Variants in MLIP observed in about 807,000 individuals in gnomAD.
MLIP encodes muscular LMNA interacting protein, also known as muscular LMNA-interacting protein.
MLIP carries 79 observed loss-of-function variants against 84.8 expected under a neutral mutation model. That is an observed-to-expected ratio of 0.93 (90% CI 0.78 to 1.12). MLIP has a LOEUF of 1.12. Among genes scored for constraint, MLIP ranks in the 50% most tolerant of loss-of-function variants. MLIP has a pLI of 0.00. For synonymous variants in MLIP, 504 were observed against 463.0 expected, an observed-to-expected ratio of 1.09 and a Z score of -1.14; for missense variants, 1,257 against 1,160.6, an observed-to-expected ratio of 1.08 and a Z score of -1.21.
At chr6:54,129,145 T>C (rs1290598186) in intron 3 of MLIP, among the ~76,000 whole-genome samples, 1 of 152,132 alleles carries the variant, frequency 6.6e-6, no homozygotes, top group Non-Finnish European at 1.5e-5. Flanking sequence ...CTAGATTTCA[T>C]GGATTCATAG....
chr6:54,101,402 G>A (rs1384621115), intron 1 of MLIP, among the ~76,000 whole-genome samples: 1 of 133,402 alleles, frequency 7.5e-6, no homozygotes, highest in Non-Finnish European at 1.6e-5. Context: ...ATACACTAGG[G>A]CTCTTATATG....
intron 13 of MLIP, among the ~76,000 whole-genome samples, chr6:54,264,391 T>A (rs1218351147): frequency 6.6e-6 from 1 of 152,044 alleles, no homozygotes; most frequent in African/African-American, 2.4e-5. Flanking sequence ...AACTAAGTAA[T>A]GGCTATGTGA....
At chr6:54,154,823 G>A (rs546332084) in intron 5 of MLIP, among the ~76,000 whole-genome samples, 18 of 152,288 alleles carry the variant, frequency 1.2e-4, no homozygotes, top group Non-Finnish European at 2.5e-4. Flanking sequence ...ACTTGAGAGA[G>A]TGATGGATTA....
intron 1 of MLIP, among the ~76,000 whole-genome samples, chr6:54,048,702 G>C (rs1045533794): frequency 6.6e-6 from 1 of 150,500 alleles, no homozygotes; most frequent in Non-Finnish European, 1.5e-5. Context: ...ACAGATGAAG[G>C]CTCTGGCCTG....
In MLIP at chr6:54,209,685, G is replaced by C. The variant is rs141388096; in HGVS notation, c.2718+7452G>C. Among the ~76,000 whole-genome samples the C allele has an allele frequency of 5.3e-4, 81 of 152,134 alleles. No individual in the cohort carries two copies. In the East Asian group the frequency reaches 0.015, roughly 28 times the overall value. ...TAGGAAGGGCAGCATGTCCTCTAAC[G>C]CTTTGAAACCTTTAGAGGGAAGATC... On this transcript the variant is annotated intron_variant, in intron 11 of 13. Coordinates refer to ENST00000502396, the MANE Select transcript of MLIP (RefSeq NM_001281747.2).
At chr6:54,022,319 A>T (rs545119003) in intron 1 of MLIP, among the ~76,000 whole-genome samples, 1 of 152,340 alleles carries the variant, frequency 6.6e-6, no homozygotes, top group South Asian at 2.1e-4. Context: ...CTATCACTGT[A>T]ATATATTTTA....
chr6:54,025,871 G>A (rs1038588702), intron 1 of MLIP, among the ~76,000 whole-genome samples: 8 of 152,124 alleles, frequency 5.3e-5, no homozygotes, highest in Non-Finnish European at 1.0e-4. Context: ...TGCATTCTAC[G>A]TCTCCACTTG....
chr6:54,225,912 C>T (rs1048895815), intron 11 of MLIP, among the ~76,000 whole-genome samples: 19 of 152,082 alleles, frequency 1.2e-4, no homozygotes. Flanking sequence ...GAAGAGGAGA[C>T]ACAGCAATAA....
At chr6:54,111,305 G>T, upstream of MLIP, 1 of 1,110,948 alleles carries the variant, frequency 9.0e-7, no homozygotes, top group Non-Finnish European at 1.2e-6. Context: ...TCTAAAAATT[G>T]TCAAAACAGA....
At chr6:54,216,883 T>C (rs1779889641) in intron 11 of MLIP, 1 of 985,398 alleles carries the variant, frequency 1.0e-6, no homozygotes, top group Non-Finnish European at 1.2e-6. Flanking sequence ...TGTGATGCTG[T>C]CTGTAAAGTG....
At chr6:54,247,192 A>T (rs1782139482) in intron 12 of MLIP, among the ~76,000 whole-genome samples, 1 of 152,190 alleles carries the variant, frequency 6.6e-6, no homozygotes, top group Non-Finnish European at 1.5e-5. Context: ...CAAATTTGGC[A>T]GTACTATGAA....
At chr6:54,131,368 AC>A (rs1189821575) in intron 3 of MLIP, among the ~76,000 whole-genome samples, 2 of 152,036 alleles carry the variant, frequency 1.3e-5, no homozygotes, top group Non-Finnish European at 2.9e-5. Flanking sequence ...AATTCCAAAG[AC>A]CTTTTTTTAA....
intron 1 of MLIP, among the ~76,000 whole-genome samples, chr6:54,065,970 A>AAT (rs1766211359): frequency 1.0e-5 from 1 of 99,142 alleles, no homozygotes; most frequent in African/African-American, 2.6e-5. Context: ...AATACATCAA[A>AAT]ATATATATAT....
intron 1 of MLIP, among the ~76,000 whole-genome samples, chr6:54,020,395 T>G (rs9474701): frequency 0.18 from 27,323 of 152,098 alleles, 2,896 homozygotes; most frequent in South Asian, 0.29. Context: ...AAAATGCATT[T>G]AAAAGTAAAA....
chr6:54,045,431 T>C (rs1227250548), intron 1 of MLIP: 2 of 152,110 alleles, frequency 1.3e-5, no homozygotes, highest in East Asian at 3.9e-4. Context: ...ATGAACATGG[T>C]AGTGGCAAAA....
At chr6:54,160,478 C>T (rs1397103127) in intron 6 of MLIP, 38 bp from the exon 7 acceptor site, 2 of 1,610,598 alleles carry the variant, frequency 1.2e-6, no homozygotes, top group Non-Finnish European at 1.7e-6. Flanking sequence ...AATTCCAAAA[C>T]TTATTGCTAA....
At chr6:54,231,781 T>G (rs1781020911) in intron 12 of MLIP, among the ~76,000 whole-genome samples, 1 of 152,174 alleles carries the variant, frequency 6.6e-6, no homozygotes, top group African/African-American at 2.4e-5. Context: ...ATCTCTATAC[T>G]TAGAAATCAA....
At position 54,069,651 on chromosome 6, in the gene MLIP, AT is replaced by A. The variant is rs1766369552; in HGVS notation, c.63+50561del. 2.0e-5 allele frequency among the ~76,000 whole-genome samples: 2 copies of A among 100,102 alleles called. 1 individual carries two copies. The highest frequency in any genetic ancestry group is 7.1e-4 in the South Asian group (2 of 2,814). 65.7% of individuals were successfully genotyped at this position (100,102 alleles called of 152,430 possible). A position where few individuals can be genotyped will look rare whatever the true frequency, so the allele number is the denominator to read the frequency against. Reference sequence around the variant, plus strand: ...GTTGTTATACTGTATTGTTTAGGAAATAATAGCAATAAAAAAAGGCAATATA... The same window carrying A: ...GTTGTTATACTGTATTGTTTAGGAAAAATAGCAATAAAAAAAGGCAATATA... On this transcript the variant is annotated intron_variant, in intron 1 of 12. Transcript: ENST00000274897.
At chr6:54,143,794 G>A (rs1772537357) in intron 4 of MLIP, among the ~76,000 whole-genome samples, 1 of 152,100 alleles carries the variant, frequency 6.6e-6, no homozygotes, top group African/African-American at 2.4e-5. Flanking sequence ...GATATTTCAA[G>A]TCAACAAATA....
Sources: allele counts gnomAD v4.1 joint callset (sites outside exome capture counted in the v4.1 genomes callset), GRCh38; gene constraint gnomAD v4.1.1; transcripts MANE v1.5; gene names NCBI Gene and HGNC (gene_info 2026-07-23, HGNC 2026-07-21).